Variants in PRRC2C observed in about 807,000 individuals in gnomAD.
PRRC2C encodes proline rich coiled-coil 2C, also known as protein PRRC2C.
PRRC2C carries 72 observed loss-of-function variants against 317.2 expected under a neutral mutation model. That is an observed-to-expected ratio of 0.23 (90% CI 0.19 to 0.28). The LOEUF is 0.28. PRRC2C is among the 10% of genes least tolerant of loss of function. The probability of loss-of-function intolerance (pLI) is 1.00; values close to 1 mark genes in which losing one functional copy is unlikely to be tolerated. For missense variants in PRRC2C, 3,074 were observed against 3,459.7 expected (o/e 0.89, Z 2.80); for synonymous variants, 1,296 against 1,205.9 (o/e 1.07, Z -1.55).
chr1:171,541,563 C>T lies in PRRC2C; in HGVS notation c.4097C>T (p.Thr1366Ile), dbSNP rs1677959258. ...DPGGRPSRPS[T>I]LRRPAYRDNQ... is the part of the protein sequence containing the mutation. Reference sequence around the variant, plus strand: ...GGAGGCCGTCCATCACGCCCTTCCACTTTACGAAGACCAGCTTATCGGGAC... The same window carrying T: ...GGAGGCCGTCCATCACGCCCTTCCATTTTACGAAGACCAGCTTATCGGGAC... The change falls in exon 16 of 35, where the codon ACT becomes ATT. Residue 1366 changes from threonine (T) to isoleucine (I), a missense_variant. Thr to Ile is a moderately conservative substitution (Grantham distance 89). Coordinates refer to ENST00000647382, the MANE Select transcript of PRRC2C (RefSeq NM_001387844.1). This position sits in a 1 kb window ranked among gnomAD's most constrained non-coding sequence, Gnocchi z 4.1. The T allele has an allele frequency of 1.2e-6, 2 of 1,613,806 alleles. No individual in the cohort carries two copies. Among genetic ancestry groups the T allele is most frequent in the Admixed American group, 3.3e-5 (2 of 59,996 alleles).
chr1:171,530,667 G>T (rs894139168), intron 11 of PRRC2C, among the ~76,000 whole-genome samples: 1 of 152,028 alleles, frequency 6.6e-6, no homozygotes, highest in African/African-American at 2.4e-5. Context: ...CACATGAAAA[G>T]ATATTCAGTG....
At chr1:171,501,629 A>G (rs1309462218) in intron 1 of PRRC2C, among the ~76,000 whole-genome samples, 6 of 152,210 alleles carry the variant, frequency 3.9e-5, no homozygotes, top group African/African-American at 1.2e-4. Flanking sequence ...TTTTAGATAC[A>G]TGGCTAGTAG....
chr1:171,579,809 C>A lies in PRRC2C; in HGVS notation c.7273-19C>A. On this transcript the variant is annotated intron_variant, in intron 27 of 34. Coordinates refer to ENST00000647382, the MANE Select transcript of PRRC2C (RefSeq NM_001387844.1). The stretch of plus-strand genomic sequence containing the variant: ...TGATGTTGATATATATGTTTACATA[C>A]TTTCTCAATGCATTGCAGCCAACTT... 2.0e-6 allele frequency: 3 copies of A among 1,520,190 alleles called. No individual in the cohort carries two copies. The highest frequency in any genetic ancestry group is 2.6e-6 in the Non-Finnish European group (3 of 1,136,670). 94.2% of individuals were successfully genotyped at this position (1,520,190 alleles called of 1,614,324 possible).
chr1:171,574,887 A>C (rs1685433434), intron 24 of PRRC2C, 40 bp from the exon 25 acceptor site: 3 of 1,565,614 alleles, frequency 1.9e-6, no homozygotes, highest in Non-Finnish European at 2.6e-6. Flanking sequence ...ATTCTGTATT[A>C]ACATCATTTT....
intron 29 of PRRC2C, 68 bp from the exon 30 acceptor site, chr1:171,584,351 T>A: frequency 7.0e-7 from 1 of 1,434,090 alleles, no homozygotes; most frequent in Non-Finnish European, 9.4e-7. Flanking sequence ...TTTGAAGTCA[T>A]AATCTCCACC....
intron 33 of PRRC2C, among the ~76,000 whole-genome samples, 177 bp downstream of exon 33, chr1:171,588,682 A>T (rs1650617414): frequency 6.6e-6 from 1 of 152,246 alleles, no homozygotes; most frequent in African/African-American, 2.4e-5. Flanking sequence ...ATAGCCAGAC[A>T]TGGTAATTGT....
rs1676101553 is a variant in PRRC2C, at chr1:171,532,708, G to A, written c.1620G>A (p.Gln540=). Residue 540 remains glutamine, a synonymous_variant, in exon 12 of 35, where the codon CAG becomes CAA. Coordinates refer to ENST00000647382, the MANE Select transcript of PRRC2C (RefSeq NM_001387844.1). ...AGAGGGAAAAAGACAGAGAGAGACA[G>A]CAGGAAAAGGAGAAAGAGCTGGAGA... ...EKEREKDRER[Q]QEKEKELEKE... is the part of the protein sequence containing the mutation. 2.6e-6 allele frequency: 4 copies of A among 1,550,126 alleles called. No homozygotes were observed. In the Admixed American group the frequency reaches 7.9e-5, roughly 31 times the overall value.
chr1:171,505,703 C>A (rs992336662), intron 1 of PRRC2C, among the ~76,000 whole-genome samples: 3 of 152,168 alleles, frequency 2.0e-5, no homozygotes, highest in African/African-American at 7.2e-5. Flanking sequence ...CTGTTCCCTT[C>A]TATTCCTATT....
At chr1:171,527,582 C>T (rs759568293) in intron 10 of PRRC2C, among the ~76,000 whole-genome samples, 3 of 151,502 alleles carry the variant, frequency 2.0e-5, no homozygotes, top group African/African-American at 7.3e-5. Flanking sequence ...CATGGCAAAA[C>T]CCTGTCTCTA....
chr1:171,589,786 T>C (rs1037730664), intron 34 of PRRC2C, among the ~76,000 whole-genome samples, 181 bp downstream of exon 34: 1 of 151,762 alleles, frequency 6.6e-6, no homozygotes, highest in Non-Finnish European at 1.5e-5. Context: ...ATTCCTTTCA[T>C]CTTTTTTTTC....
chr1:171,584,543 T>C lies in PRRC2C; in HGVS notation c.7749+17T>C. On this transcript the variant is annotated intron_variant, in intron 30 of 34. Transcript: ENST00000647382. Reference sequence around the variant, plus strand: ...CTCCAGCAGGTAAACTATGGCATGGTAAATTTCCTCAATTTTCTTTATTAT... The same window carrying C: ...CTCCAGCAGGTAAACTATGGCATGGCAAATTTCCTCAATTTTCTTTATTAT... The C allele has an allele frequency of 6.5e-7, 1 of 1,530,482 alleles. No homozygotes were observed. Among genetic ancestry groups the C allele is most frequent in the South Asian group, 1.3e-5 (1 of 78,342 alleles). The allele number at this position is 1,530,482 out of a possible 1,614,324, so 94.8% of individuals were successfully genotyped here. A position where few individuals can be genotyped will look rare whatever the true frequency, so the allele number is the denominator to read the frequency against.
At chr1:171,539,467 C>G (rs1432819684) in intron 15 of PRRC2C, among the ~76,000 whole-genome samples, 1 of 152,170 alleles carries the variant, frequency 6.6e-6, no homozygotes, top group Non-Finnish European at 1.5e-5. Flanking sequence ...ATACCTATTT[C>G]CTATTCTTAC....
intron 30 of PRRC2C, among the ~76,000 whole-genome samples, chr1:171,585,107 G>A (rs1167011923): frequency 6.6e-6 from 1 of 151,628 alleles, no homozygotes; most frequent in African/African-American, 2.4e-5. Context: ...TTTTAATTAA[G>A]GGGGAAAAAA....
chr1:171,550,808 T>A (rs1398504405), intron 18 of PRRC2C, among the ~76,000 whole-genome samples: 19 of 152,190 alleles, frequency 1.2e-4, no homozygotes, highest in Admixed American at 1.2e-3. Context: ...CATCCTTTTT[T>A]ATGGCTGCAT....
intron 3 of PRRC2C, chr1:171,513,381 T>C (rs1201301746): frequency 1.9e-5 from 13 of 680,504 alleles, no homozygotes; most frequent in African/African-American, 5.3e-5. Flanking sequence ...GATGACAGAA[T>C]TGGGAATCAC....
In PRRC2C at chr1:171,536,182, A is replaced by G. The variant is rs138220849; in HGVS notation, c.2197A>G (p.Met733Val). ...MQPHPQHLAS[M>V]GFDPRWLMMQ... ...GCCTCATCCTCAGCATTTGGCTTCT[A>G]TGGGTTTTGATCCAAGGTGGCTCAT... The change falls in exon 14 of 35, where the codon ATG becomes GTG. Residue 733 changes from methionine to valine, a missense_variant. This residue lies in a region of PRRC2C where 1,320 missense variants were observed against 1,395.7 expected (regional missense o/e 0.95). Coordinates refer to ENST00000647382, the MANE Select transcript of PRRC2C (RefSeq NM_001387844.1). 717 of 1,612,982 alleles carry G rather than the reference A, an allele frequency of 4.4e-4. 1 individual carries two copies. The highest frequency in any genetic ancestry group is 2.0e-3 in the Middle Eastern group (12 of 6,060).
intron 18 of PRRC2C, among the ~76,000 whole-genome samples, chr1:171,554,598 AC>A (rs1254194083): frequency 6.6e-6 from 1 of 152,136 alleles, no homozygotes; most frequent in Non-Finnish European, 1.5e-5. Context: ...TTTTGCAGTG[AC>A]TAGTACTGGT....
chr1:171,546,006 C>T (rs990269067), intron 17 of PRRC2C, among the ~76,000 whole-genome samples: 14 of 92,532 alleles, frequency 1.5e-4, no homozygotes, highest in African/African-American at 5.6e-4. Context: ...TGAGAAAGCA[C>T]AGAAATTTGA....
chr1:171,566,413 G>A lies in PRRC2C; in HGVS notation c.6298G>A (p.Ala2100Thr), dbSNP rs1683670715. 6.4e-7 allele frequency: 1 copy of A among 1,571,586 alleles called. No individual in the cohort carries two copies. The highest frequency in any genetic ancestry group is 1.4e-5 in the African/African-American group (1 of 73,622). The change falls in exon 21 of 35, where the codon GCC becomes ACC. Residue 2100 changes from alanine (A) to threonine (T), a missense_variant. Ala to Thr is a moderately conservative substitution (Grantham distance 58). Transcript: ENST00000647382. ...QKQPRAGPIK[A>T]QKLPDLSPVE... is the part of the protein sequence containing the mutation. ...GCAGCCACGAGCAGGACCTATCAAA[G>A]CCCAGAAGGTAAATATACTTTATAA... is the stretch of plus-strand genomic sequence containing the variant.
Sources: allele counts gnomAD v4.1 joint callset (sites outside exome capture counted in the v4.1 genomes callset), GRCh38; gene constraint gnomAD v4.1.1; regional missense constraint gnomAD v4.1.1; non-coding constraint Gnocchi (gnomAD v3.1); transcripts MANE v1.5; gene names NCBI Gene and HGNC (gene_info 2026-07-23, HGNC 2026-07-21).